Variants in FARS2 observed in about 807,000 individuals in gnomAD.
FARS2 encodes phenylalanyl-tRNA synthetase 2, mitochondrial.
FARS2 carries 40 observed loss-of-function variants against 46.4 expected under a neutral mutation model. That is an observed-to-expected ratio of 0.86 (90% CI 0.67 to 1.12). FARS2 has a LOEUF of 1.12. Ranked by LOEUF, FARS2 falls within the 50% of genes most tolerant of loss-of-function variation. FARS2 has a pLI of 0.00. For synonymous variants in FARS2, 234 were observed against 214.9 expected (o/e 1.09, Z -0.78); for missense variants, 513 against 567.9 (o/e 0.90, Z 0.98).
intron 6 of FARS2, among the ~76,000 whole-genome samples, chr6:5,636,193 C>T (rs1278899619): frequency 6.6e-6 from 1 of 152,046 alleles, no homozygotes; most frequent in African/African-American, 2.4e-5. Context: ...TTATTGCTAA[C>T]AAAATGAGCA....
intron 2 of FARS2, among the ~76,000 whole-genome samples, chr6:5,374,877 T>C (rs1191595566): frequency 2.0e-5 from 3 of 152,122 alleles, no homozygotes; most frequent in African/African-American, 7.2e-5. Context: ...AAAAAGCATT[T>C]GATGACATTA....
chr6:5,731,834 G>GCC (rs113492354), intron 6 of FARS2, among the ~76,000 whole-genome samples: 8,255 of 152,184 alleles, frequency 0.054, 751 homozygotes, highest in African/African-American at 0.19. Context: ...ACATTTGCTA[G>GCC]ATGGCTGGGA....
chr6:5,255,921 T>C, the FARS2 span, among the ~76,000 whole-genome samples: 23 of 152,174 alleles, frequency 1.5e-4, no homozygotes, highest in African/African-American at 5.3e-4. Flanking sequence ...TCATCTAATA[T>C]CTAGGTTTTA....
At chr6:5,411,578 C>T (rs1306466220) in intron 3 of FARS2, among the ~76,000 whole-genome samples, 1 of 152,112 alleles carries the variant, frequency 6.6e-6, no homozygotes, top group Non-Finnish European at 1.5e-5. Context: ...AGGCTTTTCA[C>T]CTTTTATTAT....
At chr6:5,278,667 T>C (rs1181659927) in intron 1 of FARS2, among the ~76,000 whole-genome samples, 1 of 152,190 alleles carries the variant, frequency 6.6e-6, no homozygotes, top group Admixed American at 6.5e-5. Context: ...TTTTCTTTAT[T>C]AGGCTAAAAA....
intron 5 of FARS2, among the ~76,000 whole-genome samples, chr6:5,570,695 C>G (rs1323106076): frequency 1.3e-5 from 2 of 152,142 alleles, no homozygotes; most frequent in African/African-American, 2.4e-5. Context: ...AAAGTGATGC[C>G]TCTGGGCACA....
intron 1 of FARS2, among the ~76,000 whole-genome samples, chr6:5,290,691 A>G (rs7771926): frequency 0.034 from 5,192 of 152,256 alleles, 105 homozygotes; most frequent in Middle Eastern, 0.058. Flanking sequence ...GTGGCTTTAA[A>G]TAATTCTAGA....
chr6:5,690,462 A>G (rs1436102005), intron 6 of FARS2, among the ~76,000 whole-genome samples: 1 of 151,156 alleles, frequency 6.6e-6, no homozygotes, highest in Non-Finnish European at 1.5e-5. Context: ...TATGAAGCTT[A>G]GTTTGGCTGG....
At chr6:5,407,067 A>AT (rs1562017949) in intron 3 of FARS2, among the ~76,000 whole-genome samples, 28 of 96,396 alleles carry the variant, frequency 2.9e-4, no homozygotes, top group Non-Finnish European at 2.9e-4. Flanking sequence ...ATATATATAT[A>AT]ATGACCAATA....
intron 4 of FARS2, among the ~76,000 whole-genome samples, chr6:5,497,227 T>C (rs993261713): frequency 1.3e-5 from 2 of 152,222 alleles, no homozygotes; most frequent in African/African-American, 2.4e-5. Context: ...CATTATAATA[T>C]AAAAATGATC....
chr6:5,565,522 A>G (rs1425037798), intron 5 of FARS2, among the ~76,000 whole-genome samples: 3 of 152,252 alleles, frequency 2.0e-5, no homozygotes, highest in East Asian at 1.9e-4. Context: ...CAGGACAGTT[A>G]TAGTTAAAAA....
chr6:5,463,868 C>G (rs1161759689), intron 4 of FARS2, among the ~76,000 whole-genome samples: 2 of 152,154 alleles, frequency 1.3e-5, no homozygotes, highest in African/African-American at 2.4e-5. Flanking sequence ...TTCCTCTCTC[C>G]CCTTCTCCCA....
intron 6 of FARS2, among the ~76,000 whole-genome samples, chr6:5,741,130 C>G (rs1039666549): frequency 5.9e-5 from 9 of 152,192 alleles, no homozygotes; most frequent in Non-Finnish European, 1.2e-4. Flanking sequence ...CTTAAAGCAT[C>G]CTGAGAGTTG....
intron 1 of FARS2, among the ~76,000 whole-genome samples, chr6:5,272,959 A>G (rs969376409): frequency 6.6e-6 from 1 of 152,156 alleles, no homozygotes; most frequent in African/African-American, 2.4e-5. Context: ...GTCCAGTTCC[A>G]TTCATGTTGC....
chr6:5,565,850 A>G (rs1772291074), intron 5 of FARS2, among the ~76,000 whole-genome samples: 1 of 152,204 alleles, frequency 6.6e-6, no homozygotes, highest in Admixed American at 6.5e-5. Context: ...ATGACTCAAA[A>G]GGAAAAAACC....
chr6:5,295,917 CTG>C (rs1767824350), intron 1 of FARS2, among the ~76,000 whole-genome samples: 1 of 152,060 alleles, frequency 6.6e-6, no homozygotes, highest in Admixed American at 6.6e-5. Flanking sequence ...ACGTAAAACA[CTG>C]TGGCAGGGAC....
At chr6:5,256,490 GGAAAAAAAAAAAAAAAAAAAAAAA>G (rs1180267911), upstream of FARS2, among the ~76,000 whole-genome samples, 4 of 37,520 alleles carry the variant, frequency 1.1e-4, no homozygotes, top group East Asian at 1.1e-3. Context: ...GATTTCAACT[GGAAAAAAAAAAAAAAAAAAAAAAA>G]AAAAAAAAAA....
rs200731335 is a variant in FARS2, at chr6:5,368,914, A to G, written c.344A>G (p.Asn115Ser). The change falls in exon 2 of 7, where the codon AAC (asparagine) becomes AGC (serine). Residue 115 changes from asparagine (N) to serine (S), a missense_variant. Physicochemically the swap from Asn to Ser is conservative, Grantham distance 46 (BLOSUM62 1). Transcript: ENST00000274680. Reference sequence around the variant, plus strand: ...ACCCCGTTGTTCTCGGTCTACGACAACCTTTCTCCAGTGGTCACGACCTGG... The same window carrying G: ...ACCCCGTTGTTCTCGGTCTACGACAGCCTTTCTCCAGTGGTCACGACCTGG... Reference protein sequence around the residue: ...FGTPLFSVYDNLSPVVTTWQN... With the variant: ...FGTPLFSVYDSLSPVVTTWQN... 60 of 1,614,120 alleles carry G rather than the reference A, an allele frequency of 3.7e-5. No homozygotes were observed. The highest frequency in any genetic ancestry group is 1.6e-4 in the Middle Eastern group (1 of 6,062).
intron 4 of FARS2, among the ~76,000 whole-genome samples, chr6:5,494,876 A>T (rs1399871412): frequency 6.6e-6 from 1 of 152,218 alleles, no homozygotes; most frequent in East Asian, 1.9e-4. Context: ...CTAGATGAGG[A>T]AAAAGCAATC....
Sources: gnomAD v4.1 joint callset for allele counts (sites outside exome capture counted in the v4.1 genomes callset) on GRCh38, gnomAD v4.1.1 for gene constraint, MANE v1.5 for transcripts, NCBI Gene and HGNC (gene_info 2026-07-23, HGNC 2026-07-21) for gene names.